The following APBB2 variants were observed in gnomAD, a reference collection of about 807,000 sequenced individuals.
APBB2 encodes amyloid beta precursor protein binding family B member 2.
A neutral mutation model predicts 82.5 loss-of-function variants in APBB2; 38 were observed. The ratio of observed to expected loss-of-function variants is 0.46; its 90% CI spans 0.36 to 0.60. The LOEUF is 0.60. APBB2 is among the 20% of genes least tolerant of loss of function. APBB2 has a pLI of 0.00. For synonymous variants in APBB2, 341 were observed against 368.2 expected (o/e 0.93, Z 0.85); for missense variants, 772 against 972.3 (o/e 0.79, Z 2.74).
intron 6 of APBB2, among the ~76,000 whole-genome samples, chr4:40,976,490 AGT>A (rs1797202629): frequency 6.6e-6 from 1 of 152,224 alleles, no homozygotes; most frequent in South Asian, 2.1e-4. Context: ...TAAATCTTTT[AGT>A]TAAGGGACTG....
chr4:40,978,362 A>G (rs1797682132), intron 6 of APBB2, among the ~76,000 whole-genome samples: 1 of 152,240 alleles, frequency 6.6e-6, no homozygotes, highest in Non-Finnish European at 1.5e-5. Context: ...CAAGATTTGT[A>G]TTTGGTAACA....
intron 2 of APBB2, among the ~76,000 whole-genome samples, chr4:41,103,471 CTT>C (rs1464702670): frequency 4.6e-5 from 7 of 151,956 alleles, no homozygotes; most frequent in Admixed American, 2.0e-4. Flanking sequence ...AAGTAATACT[CTT>C]ATAAATAATT....
rs539728617 is a variant in APBB2, at chr4:40,831,758, G to A, written c.1530-1181C>T. ...AAAGGCCTTTGACTGTTTTAAACAC[G>A]TCTCAGACTCCAGATCTCAGAGCGA... is the stretch of plus-strand genomic sequence containing the variant. On this transcript the variant is annotated intron_variant, in intron 12 of 17. Transcript: ENST00000508593. Among the ~76,000 whole-genome samples, 8 of 152,172 alleles carry A rather than the reference G, an allele frequency of 5.3e-5. No homozygotes were observed. The East Asian group carries it at 5.8e-4, about 11-fold the overall frequency.
chr4:40,880,351 A>C (rs1483341506), intron 12 of APBB2: 19 of 985,328 alleles, frequency 1.9e-5, no homozygotes, highest in Non-Finnish European at 2.2e-5. Context: ...ACTCCCCAGG[A>C]AACCAAAAAT....
chr4:40,956,514 G>A (rs1326490623), intron 6 of APBB2, among the ~76,000 whole-genome samples: 1 of 151,750 alleles, frequency 6.6e-6, no homozygotes, highest in Non-Finnish European at 1.5e-5. Context: ...GTCTTTCCAA[G>A]ACATAATTTA....
chr4:40,827,441 C>T (rs1750329643), intron 13 of APBB2, among the ~76,000 whole-genome samples: 1 of 152,062 alleles, frequency 6.6e-6, no homozygotes, highest in Non-Finnish European at 1.5e-5. Context: ...CTCAGAGTAG[C>T]AGTCTCCTGA....
At chr4:41,038,261 G>C (rs115422687) in intron 4 of APBB2, among the ~76,000 whole-genome samples, 1,868 of 151,910 alleles carry the variant, frequency 0.012, 44 homozygotes, top group African/African-American at 0.043. Flanking sequence ...ATGCCCTCTT[G>C]TCATTTGATT....
intron 2 of APBB2, among the ~76,000 whole-genome samples, chr4:41,136,579 G>C (rs533646755): frequency 6.6e-6 from 1 of 152,296 alleles, no homozygotes; most frequent in Admixed American, 6.5e-5. Context: ...GAAATGAGAA[G>C]ATTACGAAGA....
chr4:41,209,249 G>T (rs897795855), intron 1 of APBB2, among the ~76,000 whole-genome samples: 2 of 152,166 alleles, frequency 1.3e-5, no homozygotes, highest in Admixed American at 1.3e-4. Context: ...TAATGAGGCT[G>T]AGTTTTGTGA....
intron 5 of APBB2, among the ~76,000 whole-genome samples, chr4:41,024,246 G>A (rs892200336): frequency 2.0e-5 from 3 of 152,070 alleles, no homozygotes. Context: ...GACAGCCTAA[G>A]CAATACCATC....
chr4:41,141,785 A>G (rs182514121), intron 2 of APBB2, among the ~76,000 whole-genome samples: 1 of 152,342 alleles, frequency 6.6e-6, no homozygotes, highest in East Asian at 1.9e-4. Flanking sequence ...TTGCGCAGAG[A>G]AACTCCTGTT....
chr4:41,197,768 C>T, intron 1 of APBB2, among the ~76,000 whole-genome samples: 2 of 152,168 alleles, frequency 1.3e-5, no homozygotes, highest in Admixed American at 1.3e-4. Flanking sequence ...CTTCTTTCTA[C>T]CCCCATATTC....
Position 41,033,276 on chromosome 4 carries a change from G to A in APBB2, c.-22C>T. The A allele has an allele frequency of 1.3e-6, 2 of 1,599,164 alleles. No individual in the cohort carries two copies. The highest frequency in any genetic ancestry group is 8.5e-7 in the Non-Finnish European group (1 of 1,171,634). ...ACATGGATCACCAGGCGTCAGCAAT[G>A]GTGCAGGAAATAGGTTATAATTTGA... On this transcript the variant is annotated 5_prime_UTR_variant, in exon 5 of 18. Coordinates refer to ENST00000508593, the MANE Select transcript of APBB2 (RefSeq NM_004307.2).
chr4:40,993,697 G>A (rs1012778168), intron 6 of APBB2, among the ~76,000 whole-genome samples: 1 of 151,786 alleles, frequency 6.6e-6, no homozygotes, highest in Non-Finnish European at 1.5e-5. Context: ...ACTTCTACTT[G>A]ATTCTATCAA....
At chr4:40,906,609 G>A (rs1578335111) in intron 10 of APBB2, among the ~76,000 whole-genome samples, 1 of 152,122 alleles carries the variant, frequency 6.6e-6, no homozygotes, top group East Asian at 1.9e-4. Context: ...GTAACCACAG[G>A]TGCTTTATTA....
chr4:40,993,635 G>A (rs1802802088), intron 6 of APBB2, among the ~76,000 whole-genome samples: 1 of 151,796 alleles, frequency 6.6e-6, no homozygotes, highest in Non-Finnish European at 1.5e-5. Flanking sequence ...CAATCCTCCT[G>A]CCTCAACCTC....
chr4:41,136,820 T>C (rs993749586), intron 2 of APBB2, among the ~76,000 whole-genome samples: 1 of 152,086 alleles, frequency 6.6e-6, no homozygotes, highest in Admixed American at 6.5e-5. Flanking sequence ...AAAAATGTCA[T>C]GTCCCAAACA....
At chr4:41,141,005 C>T (rs1341930432) in intron 2 of APBB2, among the ~76,000 whole-genome samples, 1 of 152,126 alleles carries the variant, frequency 6.6e-6, no homozygotes, top group Admixed American at 6.5e-5. Context: ...ATGTAACGTG[C>T]TTAGATCATC....
intron 4 of APBB2, among the ~76,000 whole-genome samples, chr4:41,053,644 C>A (rs1436458482): frequency 6.6e-6 from 1 of 152,080 alleles, no homozygotes; most frequent in African/African-American, 2.4e-5. Context: ...CTATAGTTTC[C>A]TATAAAGCCA....
Sources: gnomAD v4.1 joint callset for allele counts (sites outside exome capture counted in the v4.1 genomes callset) on GRCh38, gnomAD v4.1.1 for gene constraint, MANE v1.5 for transcripts, NCBI Gene and HGNC (gene_info 2026-07-23, HGNC 2026-07-21) for gene names.